The following MED12L variants were observed in gnomAD, a reference collection of about 807,000 sequenced individuals.
MED12L encodes the protein mediator of RNA polymerase II transcription subunit 12-like protein.
MED12L carries 60 observed loss-of-function variants against 281.3 expected under a neutral mutation model. That is an observed-to-expected ratio of 0.21 (90% CI 0.17 to 0.26). The LOEUF is 0.26. Among genes scored for constraint, MED12L ranks in the 10% least tolerant of loss-of-function variants. The pLI is 1.00. For missense variants in MED12L, 2,146 were observed against 2,680.9 expected, an observed-to-expected ratio of 0.80 and a Z score of 4.41; for synonymous variants, 974 against 987.2, an observed-to-expected ratio of 0.99 and a Z score of 0.25.
chr3:151,311,547 C>T (rs1261461128), intron 16 of MED12L, among the ~76,000 whole-genome samples: 2 of 152,024 alleles, frequency 1.3e-5, no homozygotes, highest in African/African-American at 2.4e-5. Context: ...AGGCATGTAC[C>T]GTTTTGACCT....
chr3:151,115,348 T>C (rs1188825311), intron 2 of MED12L, among the ~76,000 whole-genome samples: 4 of 79,720 alleles, frequency 5.0e-5, no homozygotes, highest in Non-Finnish European at 7.4e-5. Flanking sequence ...TTTTTTTTTT[T>C]TTTTTTTTTT....
At chr3:151,171,153 G>T (rs1283554079) in intron 11 of MED12L, among the ~76,000 whole-genome samples, 1 of 152,160 alleles carries the variant, frequency 6.6e-6, no homozygotes. Flanking sequence ...GCCATTTCTA[G>T]TCTGGGTGAT....
intron 2 of MED12L, among the ~76,000 whole-genome samples, chr3:151,097,190 TGA>T (rs1720823016): frequency 6.6e-6 from 1 of 152,174 alleles, no homozygotes. Flanking sequence ...GCAGCTCTCT[TGA>T]GAGAGACGCA....
rs184696884 is a variant in MED12L at position 151,327,937 on chromosome 3, A to G, written c.2251-22122A>G. 5.5e-5 allele frequency: 70 copies of G among 1,262,870 alleles called. No homozygotes were observed. In the Admixed American group the frequency reaches 1.1e-3, roughly 19 times the overall value. The allele number at this position is 1,262,870 out of a possible 1,614,324, so 78.2% of individuals were successfully genotyped here. ...TTTTTCTTGGTTAAATTTGATTTCC[A>G]CATTATCTACGGAAGTCTCATCAAT... On this transcript the variant is annotated intron_variant, in intron 16 of 44. Coordinates refer to ENST00000687756, the MANE Select transcript of MED12L (RefSeq NM_001393769.1).
intron 5 of MED12L, 70 bp downstream of exon 5, chr3:151,128,054 C>G: frequency 6.8e-6 from 9 of 1,332,142 alleles, no homozygotes; most frequent in African/African-American, 1.5e-5. Flanking sequence ...CCTGTACCCT[C>G]TGGATACAGC....
chr3:151,201,809 A>G (rs1379216864), intron 16 of MED12L, among the ~76,000 whole-genome samples: 1 of 152,246 alleles, frequency 6.6e-6, no homozygotes, highest in East Asian at 1.9e-4. Context: ...ATAGTGTCAC[A>G]TCTTTGCTTA....
rs770289777 is a variant in MED12L, at chr3:151,185,405, A to C, written c.1570A>C (p.Arg524=). The C allele has an allele frequency of 6.2e-7, 1 of 1,614,028 alleles. No individual in the cohort carries two copies. The highest frequency in any genetic ancestry group is 1.1e-5 in the South Asian group (1 of 91,066). Reference sequence around the variant, plus strand: ...GAGCTGCAAACGGTCTGGCAAGCACAGGGCCATGGCTGTGGCAAAACTCCT... The same window carrying C: ...GAGCTGCAAACGGTCTGGCAAGCACCGGGCCATGGCTGTGGCAAAACTCCT... ...AVSCKRSGKH[R]AMAVAKLLEK... is the part of the protein sequence containing the mutation. Residue 524 remains arginine (R), a synonymous_variant, in exon 12 of 45, where the codon AGG becomes CGG. Coordinates refer to ENST00000687756, the MANE Select transcript of MED12L (RefSeq NM_001393769.1).
At chr3:151,191,078 A>G in intron 14 of MED12L, 147 bp downstream of exon 14, 1 of 675,162 alleles carries the variant, frequency 1.5e-6, no homozygotes, top group Non-Finnish European at 2.5e-6. Context: ...CTTCTCGAGC[A>G]GGAAAGATAT....
At chr3:151,101,862 A>G (rs1232939464) in intron 2 of MED12L, among the ~76,000 whole-genome samples, 1 of 152,198 alleles carries the variant, frequency 6.6e-6, no homozygotes, top group Non-Finnish European at 1.5e-5. Flanking sequence ...AGCCCGACTG[A>G]TCAGGGCTTT....
At chr3:151,368,689 T>TGTC (rs1553798117) in intron 25 of MED12L, among the ~76,000 whole-genome samples, 1 of 42,010 alleles carries the variant, frequency 2.4e-5, no homozygotes, top group Non-Finnish European at 4.4e-5. Context: ...CATTTCATTT[T>TGTC]ATTTCATTTC....
At chr3:151,365,468 T>C (rs955018211) in intron 22 of MED12L, among the ~76,000 whole-genome samples, 43 of 152,144 alleles carry the variant, frequency 2.8e-4, no homozygotes, top group African/African-American at 1.0e-3. Flanking sequence ...CAAAAACATA[T>C]AATAAAAATA....
chr3:151,331,772 ATTATC>A lies in MED12L; in HGVS notation c.2251-18282_2251-18278del, dbSNP rs374610940. On this transcript the variant is annotated intron_variant, in intron 16 of 44. Coordinates refer to ENST00000687756, the MANE Select transcript of MED12L (RefSeq NM_001393769.1). ...TAGCTATACTGTTTTAAGTGATTAT[ATTATC>A]TTATTTAATCCTTAACAATCCCCAG... Among the ~76,000 whole-genome samples, 1,032 of 152,320 alleles carry A rather than the reference ATTATC, an allele frequency of 6.8e-3. 10 individuals are homozygous for A. Among genetic ancestry groups the A allele is most frequent in the South Asian group, 0.024 (115 of 4,830 alleles).
intron 2 of MED12L, among the ~76,000 whole-genome samples, chr3:151,107,043 T>C (rs1722159805): frequency 6.6e-6 from 1 of 152,002 alleles, no homozygotes; most frequent in Admixed American, 6.6e-5. Flanking sequence ...CTTATTGATA[T>C]GGTTGGCTTT....
rs2148981528 is a variant in MED12L, at chr3:151,165,963, A to G, written c.1475A>G (p.Gln492Arg). ...TATCATAAGATTTTCTGGGCAAACC[A>G]AAACAAAGATAACCAAGAGGTAGTT... ...TLYHKIFWAN[Q>R]NKDNQEVAPN... Residue 492 changes from glutamine to arginine, a missense_variant, in exon 11 of 45, where the codon CAA becomes CGA. Gln to Arg is a conservative substitution (Grantham distance 43). Transcript: ENST00000687756. The G allele has an allele frequency of 6.2e-7, 1 of 1,611,468 alleles. No individual in the cohort carries two copies. The highest frequency in any genetic ancestry group is 2.2e-5 in the East Asian group (1 of 44,864).
At chr3:151,328,663 G>A (rs748750804) in intron 16 of MED12L, 20 of 1,613,658 alleles carry the variant, frequency 1.2e-5, no homozygotes, top group African/African-American at 1.1e-4. Context: ...CTAACAGCAC[G>A]ATGCCCACAT....
intron 4 of MED12L, among the ~76,000 whole-genome samples, chr3:151,125,689 C>T (rs761899742): frequency 6.6e-6 from 1 of 152,170 alleles, no homozygotes; most frequent in East Asian, 1.9e-4. Context: ...CAACTCGGGT[C>T]TTGAACTGAA....
chr3:151,374,903 C>T (rs879787291), intron 27 of MED12L, among the ~76,000 whole-genome samples: 3 of 152,042 alleles, frequency 2.0e-5, no homozygotes, highest in Non-Finnish European at 4.4e-5. Context: ...TTTATTCTCC[C>T]TCCCATATAT....
At chr3:151,317,124 A>T (rs895501998) in intron 16 of MED12L, among the ~76,000 whole-genome samples, 1 of 152,172 alleles carries the variant, frequency 6.6e-6, no homozygotes, top group African/African-American at 2.4e-5. Flanking sequence ...GGATTAAAAG[A>T]AATAAGAATA....
chr3:151,159,740 C>T, intron 7 of MED12L, 92 bp from the exon 8 acceptor site: 1 of 1,282,778 alleles, frequency 7.8e-7, no homozygotes, highest in Non-Finnish European at 1.1e-6. Context: ...GTTTTTTTAT[C>T]TTTTTTAAAT....
Sources: gnomAD v4.1 joint callset for allele counts (sites outside exome capture counted in the v4.1 genomes callset) on GRCh38, gnomAD v4.1.1 for gene constraint, MANE v1.5 for transcripts, NCBI Gene and HGNC (gene_info 2026-07-23, HGNC 2026-07-21) for gene names.